CRMP1: variants seen among roughly 807,000 people sequenced by gnomAD.
The protein encoded by CRMP1 is collapsin response mediator protein 1, also known as dihydropyrimidinase-related protein 1.
CRMP1 carries 19 observed loss-of-function variants against 68.3 expected under a neutral mutation model. The ratio of observed to expected loss-of-function variants is 0.28; its 90% CI spans 0.19 to 0.41. The LOEUF is 0.41. Among genes scored for constraint, CRMP1 ranks in the 10% least tolerant of loss-of-function variants. The pLI, the probability that CRMP1 is intolerant of heterozygous loss-of-function variation, is 1.00. For missense variants in CRMP1, 791 were observed against 967.4 expected (o/e 0.82, Z 2.42); for synonymous variants, 439 against 399.6 (o/e 1.10, Z -1.18).
In CRMP1 at chr4:5,888,497, A is replaced by G. The variant is rs963481320; in HGVS notation, c.381+4092T>C. On this transcript the variant is annotated intron_variant, in intron 1 of 13. Transcript: ENST00000324989. This position sits in a 1 kb window ranked among gnomAD's most constrained non-coding sequence, Gnocchi z 6.4. Reference sequence around the variant, plus strand: ...CCCGGATCGGCGAGGAGGGCGGGAGAAGGAGGAGGGAGAGGCGAGGGCGGG... The same window carrying G: ...CCCGGATCGGCGAGGAGGGCGGGAGGAGGAGGAGGGAGAGGCGAGGGCGGG... 5.8e-6 allele frequency: 7 copies of G among 1,198,676 alleles called. No homozygotes were observed. The African/African-American group carries it at 7.9e-5, about 14-fold the overall frequency. The allele number at this position is 1,198,676 out of a possible 1,614,324, so 74.3% of individuals were successfully genotyped here. A position where few individuals can be genotyped will look rare whatever the true frequency, so the allele number is the denominator to read the frequency against.
At chr4:5,884,332 A>AT (rs1257197867) in intron 1 of CRMP1, among the ~76,000 whole-genome samples, 3 of 152,080 alleles carry the variant, frequency 2.0e-5, no homozygotes, top group Non-Finnish European at 2.9e-5. Context: ...GCCTGATGTG[A>AT]TTTTTACTTG....
Position 5,834,331 on chromosome 4 carries a change from C to T in CRMP1, c.1623+1584G>A, listed in dbSNP as rs568314736. On this transcript the variant is annotated intron_variant, in intron 11 of 13. Coordinates refer to ENST00000324989, the MANE Select transcript of CRMP1 (RefSeq NM_001014809.3). This position sits in a 1 kb window ranked among gnomAD's most constrained non-coding sequence, Gnocchi z 4.3. ...CTGATTAGGTCATGAAGGCTCTGCC[C>T]TCATTAATGGTTAATGCTATTATCA... 6.6e-6 allele frequency among the ~76,000 whole-genome samples: 1 copy of T among 152,194 alleles called. No homozygotes were observed. The highest frequency in any genetic ancestry group is 2.4e-5 in the African/African-American group (1 of 41,442).
At position 5,889,739 on chromosome 4, in the gene CRMP1, G is replaced by A. The variant is rs1213837641; in HGVS notation, c.381+2850C>T. On this transcript the variant is annotated intron_variant, in intron 1 of 13. Transcript: ENST00000324989. This position sits in a 1 kb window ranked among gnomAD's most constrained non-coding sequence, Gnocchi z 4.5. ...GCCATCCAGAGCGAGGGTGGCCTAG[G>A]CTTGGTACAGCTCCCCCAGCACTGT... 6.5e-7 allele frequency: 1 copy of A among 1,535,310 alleles called. No homozygotes were observed. The highest frequency in any genetic ancestry group is 2.4e-5 in the East Asian group (1 of 40,854).
chr4:5,892,392 G>A lies in CRMP1; in HGVS notation c.381+197C>T, dbSNP rs968608361. Among the ~76,000 whole-genome samples, 9 of 152,150 alleles carry A rather than the reference G, an allele frequency of 5.9e-5. No homozygotes were observed. The highest frequency in any genetic ancestry group is 1.3e-4 in the Non-Finnish European group (9 of 68,022). On this transcript the variant is annotated intron_variant, in intron 1 of 13. Transcript: ENST00000324989. The surrounding 1 kb of genome is among the most constrained non-coding windows in gnomAD (Gnocchi z 8.6). ...CTTCCGAGTCTCACGGACCACGCCG[G>A]CCAGCCCCGACCGAGTCGCCCCAGC...
At chr4:5,864,151 A>C (rs73063638) in intron 2 of CRMP1, among the ~76,000 whole-genome samples, 16,939 of 152,170 alleles carry the variant, frequency 0.11, 1,076 homozygotes, top group African/African-American at 0.16. Context: ...ACCCATGGCC[A>C]CTTGCTCCTT....
Position 5,832,532 on chromosome 4 carries a change from T to A in CRMP1, c.1623+3383A>T, listed in dbSNP as rs116320192. Among the ~76,000 whole-genome samples, 869 of 152,342 alleles carry A rather than the reference T, an allele frequency of 5.7e-3. 8 individuals carry two copies. Among genetic ancestry groups the A allele is most frequent in the African/African-American group, 0.019 (799 of 41,570 alleles). On this transcript the variant is annotated intron_variant, in intron 11 of 13. Coordinates refer to ENST00000324989, the MANE Select transcript of CRMP1 (RefSeq NM_001014809.3). Reference sequence around the variant, plus strand: ...TTCATTGTTAAAAGTAACATTTTTTTAAAACATATAAAAACAAAACGAACC... The same window carrying A: ...TTCATTGTTAAAAGTAACATTTTTTAAAAACATATAAAAACAAAACGAACC...
chr4:5,837,471 A>AG (rs1259630269), intron 9 of CRMP1, among the ~76,000 whole-genome samples: 1 of 149,908 alleles, frequency 6.7e-6, no homozygotes, highest in African/African-American at 2.5e-5. Context: ...AAAAAAAAAA[A>AG]AAAAAAATTA....
rs111631556 is a variant in CRMP1 at position 5,834,696 on chromosome 4, G to A, written c.1623+1219C>T. Among the ~76,000 whole-genome samples, 41 of 152,300 alleles carry A rather than the reference G, an allele frequency of 2.7e-4. No individual in the cohort carries two copies. Among genetic ancestry groups the A allele is most frequent in the African/African-American group, 8.2e-4 (34 of 41,558 alleles). ...CAGACCCCAAGCAGTGTGTACACAC[G>A]TGAAATAATTCATAATAAATAATAG... is the stretch of plus-strand genomic sequence containing the variant. On this transcript the variant is annotated intron_variant, in intron 11 of 13. Transcript: ENST00000324989. This position sits in a 1 kb window ranked among gnomAD's most constrained non-coding sequence, Gnocchi z 4.3.
chr4:5,821,591 A>C lies in CRMP1; in HGVS notation c.*169T>G, dbSNP rs1343151096. ...GGGCAAGGAATTTCCAAGCAAACAC[A>C]CCACACTAGTACCACTTCTTCCTAA... is the stretch of plus-strand genomic sequence containing the variant. On this transcript the variant is annotated 3_prime_UTR_variant, in exon 14 of 14. Transcript: ENST00000324989. This position sits in a 1 kb window ranked among gnomAD's most constrained non-coding sequence, Gnocchi z 4.4. 2 of 655,892 alleles carry C rather than the reference A, an allele frequency of 3.0e-6. No homozygotes were observed. The highest frequency in any genetic ancestry group is 5.2e-6 in the Non-Finnish European group (2 of 387,486). The allele number at this position is 655,892 out of a possible 1,614,324, so 40.6% of individuals were successfully genotyped here.
chr4:5,877,707 G>T lies in CRMP1; in HGVS notation c.382-10951C>A, dbSNP rs2152473202. On this transcript the variant is annotated intron_variant, in intron 1 of 13. Transcript: ENST00000324989. The surrounding 1 kb of genome is among the most constrained non-coding windows in gnomAD (Gnocchi z 4.3). Reference sequence around the variant, plus strand: ...CCCCCTTTCATGAATGGGAGATACAGGTAGTCCCCATGGACTGCAGGACTT... The same window carrying T: ...CCCCCTTTCATGAATGGGAGATACATGTAGTCCCCATGGACTGCAGGACTT... Among the ~76,000 whole-genome samples the T allele has an allele frequency of 6.6e-6, 1 of 152,284 alleles. No homozygotes were observed. The highest frequency in any genetic ancestry group is 2.4e-5 in the African/African-American group (1 of 41,560).
intron 13 of CRMP1, among the ~76,000 whole-genome samples, chr4:5,822,230 G>T (rs1267668314): frequency 1.3e-5 from 2 of 152,224 alleles, no homozygotes; most frequent in Admixed American, 6.5e-5. Flanking sequence ...GGGGGTGTTT[G>T]TACTCCCAAC....
At chr4:5,839,372 TA>T in intron 9 of CRMP1, 149 bp downstream of exon 9, 1 of 957,674 alleles carries the variant, frequency 1.0e-6, no homozygotes, top group Non-Finnish European at 1.5e-6. Context: ...GGGCCTGTTG[TA>T]AGCCATATGA....
At position 5,883,232 on chromosome 4, in the gene CRMP1, T is replaced by TTTCCTTCC. The variant is rs543767657; in HGVS notation, c.381+9349_381+9356dup. Among the ~76,000 whole-genome samples, 6,709 of 112,278 alleles carry TTTCCTTCC rather than the reference T, an allele frequency of 0.06. 186 individuals carry two copies. The highest frequency in any genetic ancestry group is 0.14 in the South Asian group (413 of 2,956). The allele number at this position is 112,278 out of a possible 152,430, so 73.7% of individuals were successfully genotyped here. A position where few individuals can be genotyped will look rare whatever the true frequency, so the allele number is the denominator to read the frequency against. ...GTGCCCTGTTCCGCAGCCTGCCTGC[T>TTTCCTTCC]TTCCTTCCTTCCTTCCTTCCTTCCT... On this transcript the variant is annotated intron_variant, in intron 1 of 13. Coordinates refer to ENST00000324989, the MANE Select transcript of CRMP1 (RefSeq NM_001014809.3). This position sits in a 1 kb window ranked among gnomAD's most constrained non-coding sequence, Gnocchi z 4.5.
At position 5,856,456 on chromosome 4, in the gene CRMP1, A is replaced by G. The variant is rs1577798919; in HGVS notation, c.656-149T>C. 13 of 637,718 alleles carry G rather than the reference A, an allele frequency of 2.0e-5. No homozygotes were observed. In the East Asian group the frequency reaches 2.8e-4, roughly 14 times the overall value. The allele number at this position is 637,718 out of a possible 1,614,324, so 39.5% of individuals were successfully genotyped here. On this transcript the variant is annotated intron_variant, in intron 3 of 13. Coordinates refer to ENST00000324989, the MANE Select transcript of CRMP1 (RefSeq NM_001014809.3). ...TTATCACACCATCACCATTATCACT[A>G]TGACAGCCACCATCATTATCACCAC...
At chr4:5,846,191 G>T (rs1712184162) in intron 6 of CRMP1, among the ~76,000 whole-genome samples, 2 of 152,192 alleles carry the variant, frequency 1.3e-5, no homozygotes, top group South Asian at 4.1e-4. Flanking sequence ...AGCTACTCAG[G>T]AGGCTGAGGC....
Position 5,836,792 on chromosome 4 carries a change from C to G in CRMP1, c.1425G>C (p.Arg475=). Residue 475 remains arginine (R), a synonymous_variant, in exon 10 of 14, where the codon CGG becomes CGC. Transcript: ENST00000324989. ...IPEGVNGIEE[R]MTVVWDKAVA... is the part of the protein sequence containing the mutation. ...CCGCCTTGTCCCAGACGACCGTCAT[C>G]CGCTCCTCTATCCCGTTGACACCCT... is the stretch of plus-strand genomic sequence containing the variant. 6.2e-7 allele frequency: 1 copy of G among 1,614,064 alleles called. No individual in the cohort carries two copies. Among genetic ancestry groups the G allele is most frequent in the Admixed American group, 1.7e-5 (1 of 60,010 alleles).
At position 5,855,175 on chromosome 4, in the gene CRMP1, A is replaced by G. The variant is rs1182598988; in HGVS notation, c.820+968T>C. 6.6e-6 allele frequency among the ~76,000 whole-genome samples: 1 copy of G among 152,248 alleles called. No homozygotes were observed. The highest frequency in any genetic ancestry group is 1.5e-5 in the Non-Finnish European group (1 of 68,042). ...CCAAATACACAGGGAATGGAAAGCAATAATCCTGCACATTTAGAGTAAATT... is the reference window on the plus strand; with the variant it reads ...CCAAATACACAGGGAATGGAAAGCAGTAATCCTGCACATTTAGAGTAAATT... On this transcript the variant is annotated intron_variant, in intron 4 of 13. Transcript: ENST00000324989. The surrounding 1 kb of genome is among the most constrained non-coding windows in gnomAD (Gnocchi z 4.9).
chr4:5,837,654 AAAATAAAATAAAATAAAATAAAAT>A (rs1720811700), intron 9 of CRMP1, among the ~76,000 whole-genome samples: 2 of 120,182 alleles, frequency 1.7e-5, no homozygotes, highest in African/African-American at 8.4e-5. Context: ...ATAAAATAAT[AAAATAAAATAAAATAAAATAAAAT>A]AAATAAAATA....
intron 1 of CRMP1, among the ~76,000 whole-genome samples, chr4:5,882,793 A>T (rs540756149): frequency 6.6e-6 from 1 of 152,354 alleles, no homozygotes; most frequent in South Asian, 2.1e-4. Flanking sequence ...CCAAAGAAGA[A>T]GATCAGAGTG....
Sources: allele counts gnomAD v4.1 joint callset (sites outside exome capture counted in the v4.1 genomes callset), GRCh38; gene constraint gnomAD v4.1.1; non-coding constraint Gnocchi (gnomAD v3.1); transcripts MANE v1.5; gene names NCBI Gene and HGNC (gene_info 2026-07-23, HGNC 2026-07-21).